Variants in MYT1L observed in about 807,000 individuals in gnomAD.
The protein encoded by MYT1L is myelin transcription factor 1 like.
Under a neutral mutation model 126.7 loss-of-function variants are expected in MYT1L, and 12 were observed. The observed-to-expected ratio is 0.09, with a 90% confidence interval of 0.06 to 0.15. MYT1L has a LOEUF of 0.15. Ranked by LOEUF, MYT1L falls within the 10% of genes least tolerant of loss-of-function variation. The probability of loss-of-function intolerance (pLI) is 1.00; values close to 1 mark genes in which losing one functional copy is unlikely to be tolerated. For missense variants in MYT1L, 979 were observed against 1,585.2 expected (o/e 0.62, Z 6.49); for synonymous variants, 541 against 604.2 (o/e 0.90, Z 1.53).
intron 2 of MYT1L, among the ~76,000 whole-genome samples, chr2:2,264,853 T>A (rs529128416): frequency 7.2e-5 from 11 of 152,250 alleles, no homozygotes; most frequent in African/African-American, 2.6e-4. Flanking sequence ...CAACTTTTTT[T>A]AAAAGCACTT....
At chr2:2,282,970 G>A (rs2095470384) in intron 2 of MYT1L, among the ~76,000 whole-genome samples, 1 of 152,214 alleles carries the variant, frequency 6.6e-6, no homozygotes, top group Non-Finnish European at 1.5e-5. Flanking sequence ...AGCCACTTGG[G>A]AGGCTGAGGC....
At chr2:2,180,343 A>G (rs539761048) in intron 2 of MYT1L, among the ~76,000 whole-genome samples, 2 of 150,626 alleles carry the variant, frequency 1.3e-5, no homozygotes, top group Non-Finnish European at 1.5e-5. Flanking sequence ...TACTAATCAA[A>G]TGGAAAAACA....
At chr2:2,304,301 G>T (rs1031807556) in intron 1 of MYT1L, among the ~76,000 whole-genome samples, 1 of 152,176 alleles carries the variant, frequency 6.6e-6, no homozygotes. Context: ...AGCCTGAAAA[G>T]TTATGTAACT....
intron 8 of MYT1L, among the ~76,000 whole-genome samples, chr2:1,945,521 A>G (rs913746440): frequency 6.6e-6 from 1 of 152,154 alleles, no homozygotes; most frequent in Non-Finnish European, 1.5e-5. Context: ...GTGTGTGTGG[A>G]CCAGGAGGAG....
At chr2:2,156,750 A>G (rs904595286) in intron 3 of MYT1L, among the ~76,000 whole-genome samples, 2 of 152,224 alleles carry the variant, frequency 1.3e-5, no homozygotes, top group African/African-American at 4.8e-5. Context: ...CCGGGGCCCC[A>G]GGGACACCTG....
intron 3 of MYT1L, among the ~76,000 whole-genome samples, chr2:2,155,621 A>G (rs950587874): frequency 6.6e-6 from 1 of 152,138 alleles, no homozygotes; most frequent in Non-Finnish European, 1.5e-5. Flanking sequence ...CCCCATTGCA[A>G]TATGTTGCCT....
chr2:1,854,968 C>T (rs2043726462), intron 18 of MYT1L, among the ~76,000 whole-genome samples: 2 of 152,134 alleles, frequency 1.3e-5, no homozygotes, highest in Non-Finnish European at 2.9e-5. Context: ...CCCCGGTTTT[C>T]GGGGGTGGTA....
Position 1,912,024 on chromosome 2 carries a change from G to C in MYT1L, c.1705C>G (p.Arg569Gly). 6.3e-7 allele frequency: 1 copy of C among 1,594,578 alleles called. No homozygotes were observed. Among genetic ancestry groups the C allele is most frequent in the South Asian group, 1.1e-5 (1 of 88,576 alleles). ...AGTGACCCACGCGTGGCTTACCTTC[G>C]GTGGGAGTTCCTGTTGCTGTTGACA... ...GHVNSNRNSH[R>G]SLSGCPIAAA... The change falls in exon 12 of 25, where the codon CGA (arginine) becomes GGA (glycine). Residue 569 changes from arginine to glycine, a missense_variant. Coordinates refer to ENST00000647738, the MANE Select transcript of MYT1L (RefSeq NM_001303052.2). This position sits in a 1 kb window ranked among gnomAD's most constrained non-coding sequence, Gnocchi z 4.3.
intron 2 of MYT1L, among the ~76,000 whole-genome samples, chr2:2,185,866 C>T (rs1160776328): frequency 5.0e-5 from 6 of 119,182 alleles, no homozygotes; most frequent in African/African-American, 7.0e-5. Context: ...CTCCCAGACG[C>T]CCGCGTTCCT....
At chr2:2,139,510 G>C (rs538376481) in intron 3 of MYT1L, among the ~76,000 whole-genome samples, 2 of 151,878 alleles carry the variant, frequency 1.3e-5, no homozygotes, top group African/African-American at 4.8e-5. Context: ...GTGGTGGTGC[G>C]TGCCTATAAT....
At chr2:1,890,035 A>G (rs2048654325) in intron 15 of MYT1L, among the ~76,000 whole-genome samples, 1 of 151,684 alleles carries the variant, frequency 6.6e-6, no homozygotes, top group African/African-American at 2.4e-5. Context: ...TGAAGGAAGG[A>G]AAGAGAATAA....
At chr2:1,885,664 G>A (rs909554673) in intron 18 of MYT1L, among the ~76,000 whole-genome samples, 1 of 152,176 alleles carries the variant, frequency 6.6e-6, no homozygotes, top group African/African-American at 2.4e-5. Context: ...CCAAACAAAA[G>A]GAAAACCAAG....
At chr2:1,807,669 G>A (rs1221611806) in intron 22 of MYT1L, among the ~76,000 whole-genome samples, 1 of 152,136 alleles carries the variant, frequency 6.6e-6, no homozygotes, top group Non-Finnish European at 1.5e-5. Context: ...CTGCTCAATG[G>A]CTACAGGTTA....
intron 11 of MYT1L, among the ~76,000 whole-genome samples, chr2:1,913,969 A>C (rs759772777): frequency 6.6e-6 from 1 of 152,030 alleles, no homozygotes; most frequent in Non-Finnish European, 1.5e-5. Flanking sequence ...TTACTCAAGA[A>C]ACCCTTCCGG....
Position 1,979,920 on chromosome 2 carries a change from G to T in MYT1L, c.1-143C>A. Reference sequence around the variant, plus strand: ...TGAAGGGAAGCCCTCTACAAGGGCAGGGGGTAAGACCAGGCAATCTAAATG... The same window carrying T: ...TGAAGGGAAGCCCTCTACAAGGGCATGGGGTAAGACCAGGCAATCTAAATG... On this transcript the variant is annotated intron_variant, in intron 5 of 24. Coordinates refer to ENST00000647738, the MANE Select transcript of MYT1L (RefSeq NM_001303052.2). This position sits in a 1 kb window ranked among gnomAD's most constrained non-coding sequence, Gnocchi z 4.0. 1 of 773,830 alleles carries T rather than the reference G, an allele frequency of 1.3e-6. No individual in the cohort carries two copies. Among genetic ancestry groups the T allele is most frequent in the East Asian group, 2.7e-5 (1 of 37,498 alleles). The allele number at this position is 773,830 out of a possible 1,614,324, so 47.9% of individuals were successfully genotyped here. A position where few individuals can be genotyped will look rare whatever the true frequency, so the allele number is the denominator to read the frequency against.
At chr2:1,870,962 C>T (rs1425260541) in intron 18 of MYT1L, among the ~76,000 whole-genome samples, 2 of 152,194 alleles carry the variant, frequency 1.3e-5, no homozygotes, top group Admixed American at 1.3e-4. Context: ...GCTTTACCCG[C>T]CCTGCCCTAG....
intron 18 of MYT1L, among the ~76,000 whole-genome samples, chr2:1,855,188 C>T (rs2043759659): frequency 6.6e-6 from 1 of 152,170 alleles, no homozygotes; most frequent in Admixed American, 6.5e-5. Flanking sequence ...GTTCTGAAGT[C>T]GATGGATGGG....
intron 14 of MYT1L, chr2:1,902,803 T>C (rs926169075): frequency 2.2e-5 from 10 of 448,718 alleles, no homozygotes; most frequent in Non-Finnish European, 3.3e-5. Context: ...AGCCAGTCCA[T>C]AGCTTCTCCC....
intron 2 of MYT1L, among the ~76,000 whole-genome samples, chr2:2,232,094 G>A (rs770885971): frequency 5.3e-5 from 8 of 152,246 alleles, no homozygotes; most frequent in African/African-American, 1.9e-4. Context: ...AGAACACAAT[G>A]AGAAATAGGC....
Sources: allele counts gnomAD v4.1 joint callset (sites outside exome capture counted in the v4.1 genomes callset), GRCh38; gene constraint gnomAD v4.1.1; non-coding constraint Gnocchi (gnomAD v3.1); transcripts MANE v1.5; gene names NCBI Gene and HGNC (gene_info 2026-07-23, HGNC 2026-07-21).